RALY: variants seen among roughly 807,000 people sequenced by gnomAD.
RALY encodes RNA-binding protein Raly.
RALY carries 15 observed loss-of-function variants against 30.7 expected under a neutral mutation model. That is an observed-to-expected ratio of 0.49 (90% CI 0.33 to 0.75). The LOEUF (loss-of-function observed/expected upper bound fraction) is 0.75, where lower values mean the gene tolerates loss of function less well. Among genes scored for constraint, RALY ranks in the 30% least tolerant of loss-of-function variants. The probability of loss-of-function intolerance (pLI) is 0.02; values close to 1 mark genes in which losing one functional copy is unlikely to be tolerated. For synonymous variants in RALY, 177 were observed against 170.8 expected (o/e 1.04, Z -0.28); for missense variants, 339 against 414.3 (o/e 0.82, Z 1.58).
intron 2 of RALY, among the ~76,000 whole-genome samples, chr20:34,058,198 A>G (rs1210022243): frequency 6.6e-6 from 1 of 152,132 alleles, no homozygotes; most frequent in Non-Finnish European, 1.5e-5. Context: ...TTAGAAGTTC[A>G]CTAGGCATTG....
chr20:34,060,391 A>G (rs2033381482), intron 2 of RALY, among the ~76,000 whole-genome samples: 1 of 152,244 alleles, frequency 6.6e-6, no homozygotes, highest in Non-Finnish European at 1.5e-5. Flanking sequence ...GTATCTGCAG[A>G]TATTCCAAAA....
chr20:34,079,441 C>T (rs1368916111), intron 9 of RALY, among the ~76,000 whole-genome samples: 1 of 152,182 alleles, frequency 6.6e-6, no homozygotes, highest in African/African-American at 2.4e-5. Context: ...CTTGGGGTGG[C>T]TTGGGTGGAG....
chr20:34,056,840 A>T (rs533496510), intron 2 of RALY, among the ~76,000 whole-genome samples: 3 of 152,368 alleles, frequency 2.0e-5, no homozygotes, highest in Middle Eastern at 3.4e-3. Flanking sequence ...AAATTGGTGT[A>T]ACTCTTTTGG....
At chr20:34,040,156 AATT>A (rs769147366) in intron 2 of RALY, among the ~76,000 whole-genome samples, 179 of 152,040 alleles carry the variant, frequency 1.2e-3, no homozygotes, top group Non-Finnish European at 9.3e-4. Flanking sequence ...GCACACAGAG[AATT>A]ATTTAGAAGA....
chr20:34,039,088 G>T (rs1035103497), intron 2 of RALY, among the ~76,000 whole-genome samples: 4 of 152,168 alleles, frequency 2.6e-5, no homozygotes, highest in African/African-American at 4.8e-5. Flanking sequence ...CTCCAAAGGC[G>T]CATTGGTCTG....
At chr20:34,060,613 G>T (rs1183078975) in intron 2 of RALY, among the ~76,000 whole-genome samples, 1 of 152,206 alleles carries the variant, frequency 6.6e-6, no homozygotes, top group Non-Finnish European at 1.5e-5. Flanking sequence ...GGTCATGTCA[G>T]CCAGTTCAGT....
chr20:34,052,760 G>A (rs1056091868), intron 2 of RALY, among the ~76,000 whole-genome samples: 2 of 152,150 alleles, frequency 1.3e-5, no homozygotes, highest in African/African-American at 4.8e-5. Flanking sequence ...AGTTATATCT[G>A]GGGGACTCAT....
chr20:34,055,257 C>T (rs2033205502), intron 2 of RALY, among the ~76,000 whole-genome samples: 2 of 152,276 alleles, frequency 1.3e-5, no homozygotes, highest in South Asian at 4.1e-4. Flanking sequence ...AATTTAAATA[C>T]TTAGCAATGT....
intron 1 of RALY, among the ~76,000 whole-genome samples, chr20:34,014,051 T>G (rs374619330): frequency 5.9e-5 from 9 of 152,216 alleles, no homozygotes; most frequent in African/African-American, 2.2e-4. Flanking sequence ...ATTATGTAGC[T>G]TCTGTTAATA....
chr20:34,001,670 A>G (rs553520300), intron 1 of RALY, among the ~76,000 whole-genome samples: 1 of 152,256 alleles, frequency 6.6e-6, no homozygotes, highest in South Asian at 2.1e-4. Context: ...AAGCAAGCCC[A>G]GCAGTAGATT....
intron 8 of RALY, among the ~76,000 whole-genome samples, 191 bp from the exon 9 acceptor site, chr20:34,078,314 C>T (rs762175153): frequency 5.9e-5 from 9 of 152,232 alleles, no homozygotes; most frequent in Non-Finnish European, 1.3e-4. Flanking sequence ...GTCCTCAGAC[C>T]ACCCTTCCAA....
intron 1 of RALY, among the ~76,000 whole-genome samples, chr20:34,007,588 G>A (rs1229022450): frequency 6.6e-6 from 1 of 151,752 alleles, no homozygotes; most frequent in Non-Finnish European, 1.5e-5. Flanking sequence ...GGGAGGCCAA[G>A]GAGGGTGGAT....
chr20:34,019,342 A>T (rs2031729203), intron 1 of RALY, among the ~76,000 whole-genome samples: 1 of 151,736 alleles, frequency 6.6e-6, no homozygotes. Context: ...AAAAAAAAAA[A>T]GGATCCTTCT....
intron 2 of RALY, among the ~76,000 whole-genome samples, chr20:34,036,037 A>T (rs567605472): frequency 1.3e-5 from 2 of 152,294 alleles, no homozygotes; most frequent in African/African-American, 4.8e-5. Context: ...TGGAGAAGTC[A>T]CAAGGGTAGA....
At chr20:34,074,098 C>T (rs561485690) in intron 5 of RALY, among the ~76,000 whole-genome samples, 96 of 152,256 alleles carry the variant, frequency 6.3e-4, no homozygotes, top group African/African-American at 2.2e-3. Flanking sequence ...TGCCCTTTTT[C>T]CTTCTTGTCC....
intron 7 of RALY, 60 bp from the exon 8 acceptor site, chr20:34,076,968 C>T (rs2033898194): frequency 1.2e-6 from 2 of 1,608,330 alleles, no homozygotes; most frequent in Non-Finnish European, 1.7e-6. Flanking sequence ...TAAGGTGCTG[C>T]CCTAGACAGC....
chr20:33,997,171 G>A (rs373230150), intron 1 of RALY, among the ~76,000 whole-genome samples: 17 of 152,202 alleles, frequency 1.1e-4, no homozygotes, highest in East Asian at 5.8e-4. Context: ...GCTGGATTGC[G>A]GTGGCACGAT....
intron 5 of RALY, among the ~76,000 whole-genome samples, chr20:34,074,428 A>C (rs1041370226): frequency 2.6e-5 from 4 of 152,108 alleles, no homozygotes; most frequent in African/African-American, 9.7e-5. Context: ...TTGAGTAGAA[A>C]TCATGGTAGA....
At chr20:34,043,025 A>G (rs2032756401) in intron 2 of RALY, among the ~76,000 whole-genome samples, 1 of 152,264 alleles carries the variant, frequency 6.6e-6, no homozygotes, top group Non-Finnish European at 1.5e-5. Context: ...AGCCAGCTAG[A>G]GCCATCCCAA....
Sources: gnomAD v4.1 joint callset for allele counts (sites outside exome capture counted in the v4.1 genomes callset) on GRCh38, gnomAD v4.1.1 for gene constraint, MANE v1.5 for transcripts, NCBI Gene and HGNC (gene_info 2026-07-23, HGNC 2026-07-21) for gene names.